CASD1: variants seen among roughly 807,000 people sequenced by gnomAD.
CASD1 encodes the protein N-acetylneuraminate (7)9-O-acetyltransferase.
Under a neutral mutation model 100.0 loss-of-function variants are expected in CASD1, and 41 were observed. The ratio of observed to expected loss-of-function variants is 0.41; its 90% confidence interval spans 0.32 to 0.53. The LOEUF is 0.53. Ranked by LOEUF, CASD1 falls within the 20% of genes least tolerant of loss-of-function variation. The pLI, the probability that CASD1 is intolerant of heterozygous loss-of-function variation, is 0.25. For synonymous variants in CASD1, 321 were observed against 315.6 expected (o/e 1.02, Z -0.18); for missense variants, 774 against 948.7 (o/e 0.82, Z 2.42).
chr7:94,554,519 T>A lies in CASD1; in HGVS notation c.2071T>A (p.Tyr691Asn). ...AFILIRNIPGYARSVYSSFFA... is the reference protein window; with the variant it reads ...AFILIRNIPGNARSVYSSFFA... ...CATCCTAATAAGAAACATCCCTGGA[T>A]ATGCCCGTTCAGTTTACAGTTCATT... Residue 691 changes from tyrosine (Y) to asparagine (N), a missense_variant, in exon 17 of 18, where the codon TAT (tyrosine) becomes AAT (asparagine). This residue lies in a region of CASD1 where 175 missense variants were observed against 206.9 expected (regional missense o/e 0.85). Transcript: ENST00000297273. The A allele has an allele frequency of 6.2e-7, 1 of 1,612,338 alleles. No individual in the cohort carries two copies. Among genetic ancestry groups the A allele is most frequent in the Non-Finnish European group, 8.5e-7 (1 of 1,178,912 alleles).
At chr7:94,547,050 C>A in intron 12 of CASD1, 46 bp from the exon 13 acceptor site, 1 of 1,197,314 alleles carries the variant, frequency 8.4e-7, no homozygotes, top group South Asian at 1.4e-5. Context: ...AATATGTTGT[C>A]TAATATAAAT....
chr7:94,530,907 TA>T (rs1209920130), intron 5 of CASD1, among the ~76,000 whole-genome samples: 1 of 152,068 alleles, frequency 6.6e-6, no homozygotes, highest in Admixed American at 6.6e-5. Flanking sequence ...GTAAGGATTT[TA>T]AAAGATGGGT....
chr7:94,614,163 A>T, the CASD1 span, among the ~76,000 whole-genome samples: 20 of 150,720 alleles, frequency 1.3e-4, no homozygotes, highest in East Asian at 3.9e-3. Flanking sequence ...ATCATTAGAG[A>T]GGGGAAAGCA....
intron 3 of CASD1, among the ~76,000 whole-genome samples, chr7:94,520,736 T>TTA (rs1794218417): frequency 6.6e-6 from 1 of 152,168 alleles, no homozygotes; most frequent in South Asian, 2.1e-4. Flanking sequence ...GGCAGGCAGA[T>TTA]CACGAGGTCA....
the CASD1 span, chr7:94,589,033 C>G: frequency 2.6e-6 from 1 of 391,418 alleles, no homozygotes; most frequent in East Asian, 5.4e-5. Flanking sequence ...GAAGAAATAG[C>G]CTTGGAGATC....
At position 94,517,655 on chromosome 7, in the gene CASD1, A is replaced by G; in HGVS notation, c.229A>G (p.Ser77Gly). Reference sequence around the variant, plus strand: ...TTGTATGATGCATAAATACAAAATCAGGTAACATTTCTTCATTTTGTTGTT... The same window carrying G: ...TTGTATGATGCATAAATACAAAATCGGGTAACATTTCTTCATTTTGTTGTT... ...HSCMMHKYKI[S>G]EAKNCLVDKH... The change falls in exon 2 of 18, where the codon AGT becomes GGT. Residue 77 changes from serine to glycine, a missense_variant and splice_region_variant. By Grantham distance (56) the Ser-to-Gly change is moderately conservative. This residue lies in a region of CASD1 where 61 missense variants were observed against 115.9 expected (regional missense o/e 0.53). Coordinates refer to ENST00000297273, the MANE Select transcript of CASD1 (RefSeq NM_022900.5). 6.3e-7 allele frequency: 1 copy of G among 1,584,360 alleles called. No homozygotes were observed. Among genetic ancestry groups the G allele is most frequent in the Non-Finnish European group, 8.6e-7 (1 of 1,156,742 alleles).
At chr7:94,590,708 G>T in the CASD1 span, 1 of 152,144 alleles carries the variant, frequency 6.6e-6, no homozygotes, top group Non-Finnish European at 1.5e-5. Flanking sequence ...ATAAATGTGA[G>T]GTTGCCTGGG....
Position 94,537,840 on chromosome 7 carries a change from T to A in CASD1, c.1212T>A (p.Ile404=). 6.3e-7 allele frequency: 1 copy of A among 1,581,380 alleles called. No homozygotes were observed. Among genetic ancestry groups the A allele is most frequent in the Non-Finnish European group, 8.7e-7 (1 of 1,150,868 alleles). ...NKFYTHSSFF[I]PIIYILVLGV... ...TTTATACACATTCATCTTTCTTTATTCCAATTATCTACATTTTGGTTTTGG... is the reference window on the plus strand; with the variant it reads ...TTTATACACATTCATCTTTCTTTATACCAATTATCTACATTTTGGTTTTGG... The change falls in exon 9 of 18, where the codon ATT becomes ATA. Residue 404 remains isoleucine, a synonymous_variant. Transcript: ENST00000297273.
intron 6 of CASD1, 55 bp downstream of exon 6, chr7:94,533,304 G>A (rs576355522): frequency 1.4e-6 from 2 of 1,465,812 alleles, no homozygotes; most frequent in Admixed American, 1.8e-5. Flanking sequence ...TTAAGAACAT[G>A]CTAAGAAAAA....
the CASD1 span, among the ~76,000 whole-genome samples, chr7:94,595,519 G>C: frequency 6.6e-6 from 1 of 151,986 alleles, no homozygotes; most frequent in Non-Finnish European, 1.5e-5. Context: ...TTATAGGAAG[G>C]GTAAATTAAT....
the CASD1 span, among the ~76,000 whole-genome samples, chr7:94,601,404 T>C: frequency 3.9e-5 from 5 of 127,786 alleles, no homozygotes; most frequent in Non-Finnish European, 7.7e-5. Flanking sequence ...CTAGGGAATA[T>C]GGAACCTATC....
At chr7:94,633,915 C>T in the CASD1 span, among the ~76,000 whole-genome samples, 1 of 152,118 alleles carries the variant, frequency 6.6e-6, no homozygotes, top group Non-Finnish European at 1.5e-5. Flanking sequence ...CAAAAATGTC[C>T]AGAGAACACT....
chr7:94,588,644 A>G, the CASD1 span: 8 of 1,565,814 alleles, frequency 5.1e-6, no homozygotes, highest in African/African-American at 4.1e-5. Flanking sequence ...CTTTTAATCT[A>G]TTAGATTCAT....
intron 1 of CASD1, among the ~76,000 whole-genome samples, chr7:94,512,086 A>C (rs1584367390): frequency 6.6e-6 from 1 of 152,226 alleles, no homozygotes; most frequent in South Asian, 2.1e-4. Context: ...GGCAGTATCA[A>C]ACTGAGTCAG....
In CASD1 at chr7:94,510,128, A is replaced by T; in HGVS notation, c.44A>T (p.His15Leu). The T allele has an allele frequency of 1.3e-6, 2 of 1,530,042 alleles. No homozygotes were observed. The highest frequency in any genetic ancestry group is 1.2e-5 in the South Asian group (1 of 81,690). The allele number at this position is 1,530,042 out of a possible 1,614,324, so 94.8% of individuals were successfully genotyped here. A position where few individuals can be genotyped will look rare whatever the true frequency, so the allele number is the denominator to read the frequency against. ...AACCTGGGCAAGCGGGAGATCAACC[A>T]CTACTTCAGCGTGAGGAGCGCCAAG... Reference protein sequence around the residue: ...AYNLGKREINHYFSVRSAKVL... With the variant: ...AYNLGKREINLYFSVRSAKVL... The change falls in exon 1 of 18, where the codon CAC becomes CTC. Residue 15 changes from histidine (H) to leucine (L), a missense_variant. This residue lies in a region of CASD1 where 75 missense variants were observed against 60.9 expected (regional missense o/e 1.23). Transcript: ENST00000297273.
intron 13 of CASD1, among the ~76,000 whole-genome samples, chr7:94,547,504 T>C (rs1342722102): frequency 1.3e-5 from 2 of 151,934 alleles, no homozygotes; most frequent in African/African-American, 2.4e-5. Context: ...TTGACAGAAT[T>C]TGCAGCTAGT....
chr7:94,544,893 C>T (rs1795601112), intron 11 of CASD1, among the ~76,000 whole-genome samples: 1 of 152,028 alleles, frequency 6.6e-6, no homozygotes, highest in African/African-American at 2.4e-5. Flanking sequence ...AGTTTCTAAA[C>T]ATTATTTCAT....
chr7:94,567,659 C>T, the CASD1 span, among the ~76,000 whole-genome samples: 1 of 152,146 alleles, frequency 6.6e-6, no homozygotes, highest in African/African-American at 2.4e-5. Context: ...CTACTGTTGC[C>T]AGCCTATGCC....
rs373732621 is a variant in CASD1, at chr7:94,555,806, G to T, written c.*48G>T. On this transcript the variant is annotated 3_prime_UTR_variant, in exon 18 of 18. Coordinates refer to ENST00000297273, the MANE Select transcript of CASD1 (RefSeq NM_022900.5). ...TAAACTCTTCAGGCTACCTTTGTGT[G>T]TCTCTAGAAGAGAAAAGCATCTATC... is the stretch of plus-strand genomic sequence containing the variant. The T allele has an allele frequency of 1.8e-5, 27 of 1,537,794 alleles. No homozygotes were observed. Among genetic ancestry groups the T allele is most frequent in the Non-Finnish European group, 2.4e-5 (27 of 1,139,792 alleles).
Sources: gnomAD v4.1 joint callset for allele counts (sites outside exome capture counted in the v4.1 genomes callset) on GRCh38, gnomAD v4.1.1 for gene constraint, gnomAD v4.1.1 regional missense constraint, MANE v1.5 for transcripts, NCBI Gene and HGNC (gene_info 2026-07-23, HGNC 2026-07-21) for gene names.